ZC3H12B: variants seen among roughly 807,000 people sequenced by gnomAD.
ZC3H12B encodes probable ribonuclease ZC3H12B.
Under a neutral mutation model 43.9 loss-of-function variants are expected in ZC3H12B, and 7 were observed. The observed-to-expected ratio is 0.16, with a 90% CI of 0.09 to 0.30. ZC3H12B has a LOEUF of 0.30. Ranked by LOEUF, ZC3H12B falls within the 10% of genes least tolerant of loss-of-function variation. The probability of loss-of-function intolerance (pLI) is 1.00; values close to 1 mark genes in which losing one functional copy is unlikely to be tolerated. For missense variants in ZC3H12B, 475 were observed against 670.2 expected, an observed-to-expected ratio of 0.71 and a Z score of 3.22; for synonymous variants, 222 against 241.7, an observed-to-expected ratio of 0.92 and a Z score of 0.76.
intron 3 of ZC3H12B, among the ~76,000 whole-genome samples, chrX:65,406,977 C>G (rs1259839642): frequency 7.3e-4 from 82 of 112,699 alleles, no homozygotes; most frequent in Admixed American, 1.9e-3. Context: ...TGCTGTTTCT[C>G]CCACCATCTC....
At chrX:65,270,820 C>T in the ZC3H12B span, 1 of 111,616 alleles carries the variant, frequency 9.0e-6, no homozygotes, top group Non-Finnish European at 1.9e-5. Flanking sequence ...TGGCTGGAAT[C>T]CATGTCCATC....
chrX:65,234,870 C>T, the ZC3H12B span, among the ~76,000 whole-genome samples: 3 of 111,195 alleles, frequency 2.7e-5, no homozygotes, highest in Non-Finnish European at 5.7e-5. Flanking sequence ...CCAGAAAGGC[C>T]CCAGTGTGTC....
the ZC3H12B span, among the ~76,000 whole-genome samples, chrX:65,113,985 G>GTATATATATATATATATACA: frequency 4.2e-5 from 2 of 47,475 alleles, no homozygotes; most frequent in Non-Finnish European, 8.6e-5. Context: ...AGATATGCTT[G>GTATATATATATATATATACA]TATATATATA....
chrX:65,227,660 A>G, the ZC3H12B span, among the ~76,000 whole-genome samples: 1 of 111,653 alleles, frequency 9.0e-6, no homozygotes, highest in Non-Finnish European at 1.9e-5. Flanking sequence ...AAGAAAAGAG[A>G]GAAGAATCAA....
At chrX:65,181,185 A>G in the ZC3H12B span, among the ~76,000 whole-genome samples, 1 of 112,095 alleles carries the variant, frequency 8.9e-6, no homozygotes, top group Admixed American at 9.5e-5. Context: ...GGTGCTGGGA[A>G]AACTGGCTAG....
intron 3 of ZC3H12B, among the ~76,000 whole-genome samples, chrX:65,478,956 C>T (rs756808027): frequency 8.9e-6 from 1 of 112,038 alleles, no homozygotes; most frequent in African/African-American, 3.2e-5. Context: ...CTGTTATTAC[C>T]CCATCAGGCA....
At chrX:65,429,004 C>T (rs973352764) in intron 3 of ZC3H12B, among the ~76,000 whole-genome samples, 4 of 112,069 alleles carry the variant, frequency 3.6e-5, no homozygotes, top group South Asian at 7.5e-4. Flanking sequence ...GCCACTCTTC[C>T]GTAGTGCTGC....
intron 3 of ZC3H12B, among the ~76,000 whole-genome samples, chrX:65,461,344 C>T (rs1476870465): frequency 2.7e-5 from 3 of 112,192 alleles, no homozygotes; most frequent in Non-Finnish European, 3.8e-5. Flanking sequence ...CCAGCCATCC[C>T]ATTACTGGGT....
the ZC3H12B span, among the ~76,000 whole-genome samples, chrX:65,298,274 C>T: frequency 1.8e-5 from 2 of 111,659 alleles, no homozygotes; most frequent in Non-Finnish European, 3.8e-5. Flanking sequence ...TATCCAGAAT[C>T]TACAAGGAAT....
At chrX:65,278,153 A>G in the ZC3H12B span, among the ~76,000 whole-genome samples, 4 of 111,931 alleles carry the variant, frequency 3.6e-5, no homozygotes, top group Admixed American at 2.8e-4. Flanking sequence ...ATAAACAAAT[A>G]CATGCCAATA....
the ZC3H12B span, among the ~76,000 whole-genome samples, chrX:65,050,861 C>G: frequency 9.0e-6 from 1 of 111,415 alleles, no homozygotes; most frequent in South Asian, 3.7e-4. Context: ...CTATGCTTAT[C>G]AAATATATTG....
At chrX:65,331,041 T>C in the ZC3H12B span, 1 of 341,298 alleles carries the variant, frequency 2.9e-6, no homozygotes, top group East Asian at 8.1e-5. Flanking sequence ...GGTGTCCACG[T>C]ATTTGAGTAC....
chrX:65,211,874 A>AATATATGTTATGTATACTATATAAT, the ZC3H12B span, among the ~76,000 whole-genome samples: 2 of 77,316 alleles, frequency 2.6e-5, no homozygotes, highest in African/African-American at 5.4e-5. Flanking sequence ...TATAATATAT[A>AATATATGTTATGTATACTATATAAT]ATATATGTTA....
At chrX:65,345,288 A>G in the ZC3H12B span, among the ~76,000 whole-genome samples, 1 of 112,179 alleles carries the variant, frequency 8.9e-6, no homozygotes, top group Admixed American at 9.5e-5. Flanking sequence ...AAAGACGTGG[A>G]CTCAACCTAA....
At chrX:65,506,488 C>G (rs781167361) in exon 5 of ZC3H12B, 3 of 112,355 alleles carry the variant, frequency 2.7e-5, no homozygotes, top group Non-Finnish European at 5.6e-5. Flanking sequence ...TAAAATCAAG[C>G]TTCCTTCATG....
At chrX:65,345,555 G>A in the ZC3H12B span, among the ~76,000 whole-genome samples, 25 of 111,281 alleles carry the variant, frequency 2.2e-4, no homozygotes, top group African/African-American at 8.2e-4. Flanking sequence ...GGTGGAGTGT[G>A]GGAGGAGGGA....
At chrX:65,088,992 A>C in the ZC3H12B span, among the ~76,000 whole-genome samples, 1 of 112,111 alleles carries the variant, frequency 8.9e-6, no homozygotes, top group Non-Finnish European at 1.9e-5. Flanking sequence ...TATAACTAAT[A>C]TATTTAGAAC....
chrX:65,299,744 G>C, the ZC3H12B span, among the ~76,000 whole-genome samples: 6 of 112,333 alleles, frequency 5.3e-5, no homozygotes, highest in South Asian at 2.2e-3. Context: ...GAACTACTTC[G>C]GGAAAAGGAA....
the ZC3H12B span, among the ~76,000 whole-genome samples, chrX:65,222,397 A>C: frequency 9.0e-6 from 1 of 110,702 alleles, no homozygotes; most frequent in African/African-American, 3.3e-5. Flanking sequence ...ATCAGTAAAT[A>C]GGAAGTCAAA....
Sources: allele counts gnomAD v4.1 joint callset (sites outside exome capture counted in the v4.1 genomes callset), GRCh38; gene constraint gnomAD v4.1.1; transcripts MANE v1.5; gene names NCBI Gene and HGNC (gene_info 2026-07-23, HGNC 2026-07-21).